The following KDELR1 variants were observed in gnomAD, a reference collection of about 807,000 sequenced individuals.
KDELR1 encodes the protein KDEL endoplasmic reticulum protein retention receptor 1, also known as ER lumen protein-retaining receptor 1.
A neutral mutation model predicts 25.5 loss-of-function variants in KDELR1; 16 were observed. The observed-to-expected ratio is 0.63, with a 90% CI of 0.43 to 0.95. The LOEUF (loss-of-function observed/expected upper bound fraction) is 0.95, where lower values mean the gene tolerates loss of function less well. Among genes scored for constraint, KDELR1 ranks in the 40% least tolerant of loss-of-function variants. KDELR1 has a pLI of 0.00. For missense variants in KDELR1, 159 were observed against 265.2 expected (o/e 0.60, Z 2.78); for synonymous variants, 121 against 115.0 (o/e 1.05, Z -0.33).
chr19:48,391,014 G>C (rs913290691), intron 1 of KDELR1, among the ~76,000 whole-genome samples: 1 of 151,980 alleles, frequency 6.6e-6, no homozygotes, highest in Non-Finnish European at 1.5e-5. Flanking sequence ...ATGAACCCTC[G>C]GGCTGCCCAG....
At chr19:48,391,896 C>G (rs1970559391), upstream of KDELR1, among the ~76,000 whole-genome samples, 1 of 152,140 alleles carries the variant, frequency 6.6e-6, no homozygotes, top group African/African-American at 2.4e-5. Context: ...CACTCTAACT[C>G]CAATCCCCCA....
chr19:48,390,138 T>C, intron 2 of KDELR1: 1 of 306,232 alleles, frequency 3.3e-6, no homozygotes, highest in Non-Finnish European at 5.6e-6. Context: ...GACCCAGGAG[T>C]CCAGGCCCCA....
At chr19:48,396,777 C>G in the KDELR1 span, among the ~76,000 whole-genome samples, 1 of 151,966 alleles carries the variant, frequency 6.6e-6, no homozygotes, top group African/African-American at 2.4e-5. Context: ...ACCTTTCCCC[C>G]GCCCTGGCTG....
At chr19:48,390,832 C>A in intron 1 of KDELR1, 1 of 437,988 alleles carries the variant, frequency 2.3e-6, no homozygotes, top group Non-Finnish European at 4.2e-6. Context: ...CTACCCCTGG[C>A]CCCTCAGGGT....
chr19:48,394,607 G>A (rs1409651939), upstream of KDELR1, among the ~76,000 whole-genome samples: 2 of 152,064 alleles, frequency 1.3e-5, no homozygotes, highest in African/African-American at 2.4e-5. This position sits in a 1 kb window ranked among gnomAD's most constrained non-coding sequence, Gnocchi z 5.1. Flanking sequence ...GGGTCGGGGC[G>A]GCAAGAGGAC....
upstream of KDELR1, chr19:48,391,568 G>A (rs1291624113): frequency 8.8e-6 from 5 of 566,368 alleles, no homozygotes; most frequent in African/African-American, 7.6e-5. Flanking sequence ...GAGAGCGAGA[G>A]GGGGAGGAGT....
chr19:48,394,026 C>A (rs999297520), upstream of KDELR1, among the ~76,000 whole-genome samples: 1 of 152,074 alleles, frequency 6.6e-6, no homozygotes, highest in Non-Finnish European at 1.5e-5. This position sits in a 1 kb window ranked among gnomAD's most constrained non-coding sequence, Gnocchi z 5.1. Flanking sequence ...TCCCCCCGGC[C>A]CCCCCAAACC....
intron 2 of KDELR1, 133 bp from the exon 3 acceptor site, chr19:48,389,844 A>G: frequency 2.2e-6 from 2 of 896,374 alleles, no homozygotes; most frequent in Non-Finnish European, 3.3e-6. Flanking sequence ...CAGACCCAGG[A>G]GTCCAAGCCC....
intron 4 of KDELR1, among the ~76,000 whole-genome samples, chr19:48,383,788 A>G (rs563443687): frequency 6.6e-5 from 10 of 152,156 alleles, no homozygotes; most frequent in African/African-American, 2.2e-4. Context: ...TACAGGTATG[A>G]GCCACCATGC....
At chr19:48,385,863 C>T (rs921031216) in intron 3 of KDELR1, among the ~76,000 whole-genome samples, 1 of 152,170 alleles carries the variant, frequency 6.6e-6, no homozygotes, top group Non-Finnish European at 1.5e-5. Flanking sequence ...GTTGTCATTC[C>T]CATTCTACAG....
chr19:48,385,050 C>CTAA (rs1330240934), intron 3 of KDELR1, among the ~76,000 whole-genome samples: 6 of 152,090 alleles, frequency 3.9e-5, no homozygotes, highest in Non-Finnish European at 8.8e-5. Flanking sequence ...CCACACCCGG[C>CTAA]TAATTTTTGT....
chr19:48,384,342 G>A lies in KDELR1; in HGVS notation c.492C>T (p.Phe164=). The change falls in exon 4 of 5, where the codon TTC becomes TTT. Residue 164 remains phenylalanine (F), a synonymous_variant. Transcript: ENST00000330720. The surrounding 1 kb of genome is among the most constrained non-coding windows in gnomAD (Gnocchi z 4.6). ...CGAAATGGTAGCGCCAGATCCAGTT[G>A]AAGAGATAGAGCGTGCGGTAAACGC... ...ALGVYRTLYL[F]NWIWRYHFEG... 1 of 1,614,242 alleles carries A rather than the reference G, an allele frequency of 6.2e-7. No individual in the cohort carries two copies. The highest frequency in any genetic ancestry group is 8.5e-7 in the Non-Finnish European group (1 of 1,180,058).
chr19:48,387,946 G>A (rs890600577), intron 3 of KDELR1: 1 of 152,202 alleles, frequency 6.6e-6, no homozygotes, highest in South Asian at 2.1e-4. Flanking sequence ...CCAGGAGTTT[G>A]TACAGGTCCC....
chr19:48,395,091 T>C (rs1366754044), upstream of KDELR1, among the ~76,000 whole-genome samples: 1 of 151,616 alleles, frequency 6.6e-6, no homozygotes, highest in African/African-American at 2.4e-5. Flanking sequence ...CCTCAGGGAC[T>C]CTCCTCCACC....
In KDELR1 at chr19:48,384,441, G is replaced by C; in HGVS notation, c.393C>G (p.Ile131Met). 6.2e-7 allele frequency: 1 copy of C among 1,613,604 alleles called. No homozygotes were observed. Among genetic ancestry groups the C allele is most frequent in the Non-Finnish European group, 8.5e-7 (1 of 1,179,808 alleles). The change falls in exon 4 of 5, where the codon ATC (isoleucine) becomes ATG (methionine). Residue 131 changes from isoleucine (I) to methionine (M), a missense_variant. Physicochemically the swap from Ile to Met is conservative, Grantham distance 10. Transcript: ENST00000330720. The surrounding 1 kb of genome is among the most constrained non-coding windows in gnomAD (Gnocchi z 4.6). ...TFSIYLESVAILPQLFMVSKT... is the reference protein window; with the variant it reads ...TFSIYLESVAMLPQLFMVSKT... ...TGCTCACCATGAACAGCTGCGGCAA[G>C]ATGGCCACTGACTCCAGGTAGATGG...
chr19:48,391,352 G>C lies in KDELR1; in HGVS notation c.7C>G (p.Leu3Val), dbSNP rs143265613. 6.4e-7 allele frequency: 1 copy of C among 1,554,394 alleles called. No individual in the cohort carries two copies. The highest frequency in any genetic ancestry group is 8.7e-7 in the Non-Finnish European group (1 of 1,148,534). MN[L>V]FRFLGDLSHL... ...GAGAGGTCTCCCAGGAATCGGAAGA[G>C]ATTCATGGCTGGGGAACCCTGGCAG... is the stretch of plus-strand genomic sequence containing the variant. Residue 3 changes from leucine to valine, a missense_variant, in exon 1 of 5, where the codon CTC becomes GTC. Leu to Val is a conservative substitution (Grantham distance 32, BLOSUM62 1). Coordinates refer to ENST00000330720, the MANE Select transcript of KDELR1 (RefSeq NM_006801.3).
At chr19:48,388,115 A>G (rs183630360) in intron 3 of KDELR1, among the ~76,000 whole-genome samples, 1 of 152,304 alleles carries the variant, frequency 6.6e-6, no homozygotes, top group Admixed American at 6.5e-5. Flanking sequence ...TCTCATTTGA[A>G]CCCTATGACA....
chr19:48,394,009 C>T (rs146751271), upstream of KDELR1, among the ~76,000 whole-genome samples: 39 of 152,180 alleles, frequency 2.6e-4, 1 homozygote, highest in East Asian at 7.2e-3. The surrounding 1 kb of genome is among the most constrained non-coding windows in gnomAD (Gnocchi z 5.1). Context: ...GTGGGGCTCC[C>T]GCTCCTTCCC....
In KDELR1 at chr19:48,390,476, C is replaced by T; in HGVS notation, c.140G>A (p.Arg47Gln). 1 of 1,614,010 alleles carries T rather than the reference C, an allele frequency of 6.2e-7. No homozygotes were observed. The highest frequency in any genetic ancestry group is 8.5e-7 in the Non-Finnish European group (1 of 1,179,948). Residue 47 changes from arginine to glutamine, a missense_variant, in exon 2 of 5, where the codon CGA (arginine) becomes CAA (glutamine). By Grantham distance (43) the Arg-to-Gln change is conservative. Transcript: ENST00000330720. ...GTAGTTGGTGAAGAGGTCCAGATATCGGGCAGTGAACACCACAGCAAACAG... is the reference window on the plus strand; with the variant it reads ...GTAGTTGGTGAAGAGGTCCAGATATTGGGCAGTGAACACCACAGCAAACAG... ...QVLFAVVFTA[R>Q]YLDLFTNYIS...
Sources: gnomAD v4.1 joint callset for allele counts (sites outside exome capture counted in the v4.1 genomes callset) on GRCh38, gnomAD v4.1.1 for gene constraint, Gnocchi (gnomAD v3.1) non-coding constraint, MANE v1.5 for transcripts, NCBI Gene and HGNC (gene_info 2026-07-23, HGNC 2026-07-21) for gene names.